CCDC88B: variants seen among roughly 807,000 people sequenced by gnomAD.
The protein encoded by CCDC88B is coiled-coil and HOOK domain protein 88B.
In CCDC88B, 138 loss-of-function variants were observed where a neutral mutation model predicts 183.7. The ratio of observed to expected loss-of-function variants is 0.75; its 90% confidence interval spans 0.65 to 0.87. The LOEUF (loss-of-function observed/expected upper bound fraction) is 0.87. Ranked by LOEUF, CCDC88B falls within the 40% of genes least tolerant of loss-of-function variation. The probability of loss-of-function intolerance (pLI) is 0.00; values close to 1 mark genes in which losing one functional copy is unlikely to be tolerated. For synonymous variants in CCDC88B, 835 were observed against 867.5 expected (o/e 0.96, Z 0.66); for missense variants, 1,822 against 1,965.6 (o/e 0.93, Z 1.38).
chr11:64,344,714 G>T lies in CCDC88B; in HGVS notation c.2173G>T (p.Ala725Ser). Residue 725 changes from alanine to serine, a missense_variant, in exon 14 of 27, where the codon GCA becomes TCA. Transcript: ENST00000356786. The surrounding 1 kb of genome is among the most constrained non-coding windows in gnomAD (Gnocchi z 4.5). The stretch of plus-strand genomic sequence containing the variant: ...AGGGGAGAGCCTGGCCAGTGGTGTC[G>T]CAGAGCAGGAGGCCCTCAGGGAGGA... ...IPGESLASGVAEQEALREEVA... is the reference protein window; with the variant it reads ...IPGESLASGVSEQEALREEVA... 1 of 1,614,112 alleles carries T rather than the reference G, an allele frequency of 6.2e-7. No homozygotes were observed. Among genetic ancestry groups the T allele is most frequent in the Non-Finnish European group, 8.5e-7 (1 of 1,180,004 alleles).
chr11:64,342,129 C>T lies in CCDC88B; in HGVS notation c.811C>T (p.Arg271Trp). Residue 271 changes from arginine (R) to tryptophan (W), a missense_variant, in exon 8 of 27, where the codon CGG (arginine) becomes TGG (tryptophan). Transcript: ENST00000356786. The part of the protein sequence containing the change: ...ANAKAQLRRL[R>W]QELEEKAELL... ...CGCCAAGGCTCAGCTGCGGCGTCTG[C>T]GGCAGGAGCTGTGAGTGTGCGCAGC... 2 of 1,608,328 alleles carry T rather than the reference C, an allele frequency of 1.2e-6. No homozygotes were observed. Among genetic ancestry groups the T allele is most frequent in the South Asian group, 1.1e-5 (1 of 90,520 alleles).
At position 64,343,914 on chromosome 11, in the gene CCDC88B, G is replaced by C. The variant is rs2035991427; in HGVS notation, c.1455G>C (p.Gln485His). Residue 485 changes from glutamine to histidine, a missense_variant and splice_region_variant, in exon 13 of 27, where the codon CAG becomes CAC. Transcript: ENST00000356786. ...TGCTTCAGGGGCAGCCAGGGGGCCA[G>C]GTAAGTCCCCTCCCCCAGGGTCCTG... The part of the protein sequence containing the change: ...LQVLQGQPGG[Q>H]HPLLEAPRED... The C allele has an allele frequency of 6.3e-7, 1 of 1,598,762 alleles. No homozygotes were observed. Among genetic ancestry groups the C allele is most frequent in the Admixed American group, 1.7e-5 (1 of 58,054 alleles).
At chr11:64,348,848 C>T in intron 14 of CCDC88B, 1 of 599,848 alleles carries the variant, frequency 1.7e-6, no homozygotes. Flanking sequence ...CATCCTGGCG[C>T]CCCCTGCCCC....
chr11:64,353,806 C>T lies in CCDC88B; in HGVS notation c.3925C>T (p.Arg1309Trp), dbSNP rs377362144. The T allele has an allele frequency of 1.2e-5, 19 of 1,613,956 alleles. No homozygotes were observed. The highest frequency in any genetic ancestry group is 2.2e-5 in the East Asian group (1 of 44,880). ...YRVLEPVPLP[R>W]TKKGSWLADK... is the part of the protein sequence containing the mutation. ...CGTGCTGGAGCCTGTGCCCCTGCCC[C>T]GGACCAAGTGAGCAGCCCTGTCACC... is the stretch of plus-strand genomic sequence containing the variant. Residue 1309 changes from arginine to tryptophan, a missense_variant, in exon 23 of 27, where the codon CGG becomes TGG. Coordinates refer to ENST00000356786, the MANE Select transcript of CCDC88B (RefSeq NM_032251.6).
chr11:64,355,271 C>G lies in CCDC88B; in HGVS notation c.4177C>G (p.Arg1393Gly), dbSNP rs139070976. The G allele has an allele frequency of 8.2e-6, 13 of 1,579,590 alleles. No homozygotes were observed. Among genetic ancestry groups the G allele is most frequent in the Middle Eastern group, 1.7e-4 (1 of 5,890 alleles). The change falls in exon 25 of 27, where the codon CGG becomes GGG. Residue 1393 changes from arginine (R) to glycine (G), a missense_variant. Arg to Gly is a moderately radical substitution (Grantham distance 125). Transcript: ENST00000356786. Reference protein sequence around the residue: ...LRDETLAGGQRRKLSSRFPVG... With the variant: ...LRDETLAGGQGRKLSSRFPVG... ...GGATGAGACCTTGGCAGGCGGGCAGCGGCGGAAACTCAGCTCAAGGTTCCC... is the reference window on the plus strand; with the variant it reads ...GGATGAGACCTTGGCAGGCGGGCAGGGGCGGAAACTCAGCTCAAGGTTCCC...
rs1250617406 is a variant in CCDC88B at position 64,344,962 on chromosome 11, G to A, written c.2421G>A (p.Ala807=). The change falls in exon 14 of 27, where the codon GCG becomes GCA. Residue 807 remains alanine (A), a synonymous_variant. Coordinates refer to ENST00000356786, the MANE Select transcript of CCDC88B (RefSeq NM_032251.6). This position sits in a 1 kb window ranked among gnomAD's most constrained non-coding sequence, Gnocchi z 4.5. The stretch of plus-strand genomic sequence containing the variant: ...CTGCTGGCCAGGAGCTGGAGTCTGC[G>A]TCCCAGGAACGGGAGGCGCTGGTGG... ...VEAAGQELES[A]SQEREALVEA... is the part of the protein sequence containing the mutation. The A allele has an allele frequency of 9.7e-6, 15 of 1,551,828 alleles. No individual in the cohort carries two copies. The highest frequency in any genetic ancestry group is 2.4e-5 in the South Asian group (2 of 84,662).
At position 64,341,727 on chromosome 11, in the gene CCDC88B, T is replaced by C. The variant is rs1401980960; in HGVS notation, c.660T>C (p.Arg220=). 5 of 1,574,666 alleles carry C rather than the reference T, an allele frequency of 3.2e-6. No homozygotes were observed. The South Asian group carries it at 5.9e-5, about 19-fold the overall frequency. ...MGTLSKLARE[R]DLGAQRLAEL... ...CACTGTCGAAGCTGGCACGGGAGCGTGACCTGGGGGCCCAGGTAGGGGCAG... is the reference window on the plus strand; with the variant it reads ...CACTGTCGAAGCTGGCACGGGAGCGCGACCTGGGGGCCCAGGTAGGGGCAG... The change falls in exon 7 of 27, where the codon CGT becomes CGC. Residue 220 remains arginine (R), a synonymous_variant. Transcript: ENST00000356786.
chr11:64,353,903 A>C, intron 23 of CCDC88B, 90 bp downstream of exon 23: 1 of 1,581,852 alleles, frequency 6.3e-7, no homozygotes, highest in African/African-American at 1.3e-5. Flanking sequence ...GCTCAGGTCC[A>C]GGCCCCATGA....
At chr11:64,341,828 G>A in intron 7 of CCDC88B, 86 bp downstream of exon 7, 2 of 1,522,982 alleles carry the variant, frequency 1.3e-6, no homozygotes, top group Non-Finnish European at 8.8e-7. Context: ...ATGGAAGTTT[G>A]GGGCCCAGGC....
At chr11:64,356,930 G>C (rs1194841019) in intron 26 of CCDC88B, 109 bp from the exon 27 acceptor site, 3 of 1,035,130 alleles carry the variant, frequency 2.9e-6, no homozygotes, top group African/African-American at 3.2e-5. Flanking sequence ...TGGAAGCGGG[G>C]GGTATTGGCA....
At chr11:64,351,666 G>C in intron 18 of CCDC88B, 50 bp downstream of exon 18, 1 of 1,489,362 alleles carries the variant, frequency 6.7e-7, no homozygotes. Context: ...GCCCCCTCCT[G>C]CTCCTTTTGG....
In CCDC88B at chr11:64,355,275, G is replaced by A. The variant is rs200059663; in HGVS notation, c.4181G>A (p.Arg1394Gln). The A allele has an allele frequency of 4.4e-5, 69 of 1,583,766 alleles. 1 individual carries two copies. In the East Asian group the frequency reaches 5.5e-4, roughly 13 times the overall value. Residue 1394 changes from arginine to glutamine, a missense_variant, in exon 25 of 27, where the codon CGG (arginine) becomes CAG (glutamine). Arg to Gln is a conservative substitution (Grantham distance 43, BLOSUM62 1). Coordinates refer to ENST00000356786, the MANE Select transcript of CCDC88B (RefSeq NM_032251.6). ...RDETLAGGQR[R>Q]KLSSRFPVGR... ...GAGACCTTGGCAGGCGGGCAGCGGC[G>A]GAAACTCAGCTCAAGGTTCCCGGTG...
At position 64,351,540 on chromosome 11, in the gene CCDC88B, TG is replaced by T; in HGVS notation, c.3027del (p.Ser1010AlafsTer83). 6.4e-7 allele frequency: 1 copy of T among 1,572,134 alleles called. No homozygotes were observed. The highest frequency in any genetic ancestry group is 8.6e-7 in the Non-Finnish European group (1 of 1,167,290). ...CAGCTGCAGCACCTGGAGGGGCAGC[TG>T]GGGAGCCTGCAGGGCCGTGCCCAGG... ...QGQLQHLEGQLGSLQGRAQEL... is the reference protein window; with the variant it reads ...QGQLQHLEGQXGSLQGRAQEL... On this transcript the variant is annotated frameshift_variant, in exon 18 of 27. Transcript: ENST00000356786. LOFTEE classifies it high-confidence loss of function.
intron 17 of CCDC88B, 89 bp from the exon 18 acceptor site, chr11:64,351,387 G>A: frequency 6.5e-7 from 1 of 1,532,634 alleles, no homozygotes; most frequent in Non-Finnish European, 8.8e-7. Context: ...GGGGGTGGGG[G>A]TGCCCCATGC....
intron 12 of CCDC88B, 78 bp downstream of exon 12, chr11:64,343,693 C>T: frequency 1.3e-6 from 2 of 1,534,554 alleles, no homozygotes; most frequent in Non-Finnish European, 1.8e-6. Flanking sequence ...GCCTCTGACT[C>T]CCTCCCTTCT....
rs759234720 is a variant in CCDC88B, at chr11:64,353,506, C to T, written c.3833+10C>T. Reference sequence around the variant, plus strand: ...AACAGCGGGAGTACCTGTGAGTGGGCCGCCTGGGAGCGGGGTGGGGCCTGC... The same window carrying T: ...AACAGCGGGAGTACCTGTGAGTGGGTCGCCTGGGAGCGGGGTGGGGCCTGC... On this transcript the variant is annotated intron_variant, in intron 22 of 26. Transcript: ENST00000356786. 2.1e-5 allele frequency: 34 copies of T among 1,608,792 alleles called. No individual in the cohort carries two copies. Among genetic ancestry groups the T allele is most frequent in the Non-Finnish European group, 2.9e-5 (34 of 1,178,648 alleles).
Position 64,353,041 on chromosome 11 carries a change from C to G in CCDC88B, c.3501-13C>G. 6.3e-7 allele frequency: 1 copy of G among 1,580,402 alleles called. No homozygotes were observed. The highest frequency in any genetic ancestry group is 2.3e-5 in the East Asian group (1 of 43,210). On this transcript the variant is annotated splice_polypyrimidine_tract_variant and intron_variant, in intron 20 of 26. Coordinates refer to ENST00000356786, the MANE Select transcript of CCDC88B (RefSeq NM_032251.6). ...CCAGGTCCCTTGGAGAGCAGCTCTC[C>G]TTGCCTCCCAAGGGCTCAGATGCTG...
Position 64,342,565 on chromosome 11 carries a change from G to A in CCDC88B, c.947G>A (p.Arg316His), listed in dbSNP as rs921536095. The A allele has an allele frequency of 2.7e-5, 42 of 1,531,620 alleles. No individual in the cohort carries two copies. Among genetic ancestry groups the A allele is most frequent in the Non-Finnish European group, 3.6e-5 (41 of 1,145,412 alleles). The allele number at this position is 1,531,620 out of a possible 1,614,324, so 94.9% of individuals were successfully genotyped here. The stretch of plus-strand genomic sequence containing the variant: ...CAGGCCAAGCGGGCCGAGCTGTACC[G>A]CGAGGAGGCAGAGGCGCTGCGGGAG... ...SGQAKRAELY[R>H]EEAEALRERA... is the part of the protein sequence containing the mutation. Residue 316 changes from arginine to histidine, a missense_variant, in exon 10 of 27, where the codon CGC becomes CAC. By Grantham distance (29) the Arg-to-His change is conservative (BLOSUM62 0). Transcript: ENST00000356786.
At chr11:64,356,772 T>C in intron 26 of CCDC88B, 1 of 454,762 alleles carries the variant, frequency 2.2e-6, no homozygotes, top group Non-Finnish European at 3.9e-6. Context: ...CTGGTTGGAG[T>C]TTTAGTAACT....
Sources: allele counts gnomAD v4.1 joint callset, GRCh38; gene constraint gnomAD v4.1.1; non-coding constraint Gnocchi (gnomAD v3.1); transcripts MANE v1.5; gene names NCBI Gene and HGNC (gene_info 2026-07-23, HGNC 2026-07-21).